Variants in CREB3L2 observed in about 807,000 individuals in gnomAD.
The protein encoded by CREB3L2 is cAMP responsive element binding protein 3 like 2, also known as cyclic AMP-responsive element-binding protein 3-like protein 2.
In CREB3L2, 23 loss-of-function variants were observed where a neutral mutation model predicts 57.2. That is an observed-to-expected ratio of 0.40 (90% CI 0.29 to 0.57). The LOEUF is 0.57. Among genes scored for constraint, CREB3L2 ranks in the 20% least tolerant of loss-of-function variants. The pLI is 0.42. For missense variants in CREB3L2, 628 were observed against 634.7 expected, an observed-to-expected ratio of 0.99 and a Z score of 0.11; for synonymous variants, 268 against 265.1, an observed-to-expected ratio of 1.01 and a Z score of -0.11.
Position 137,986,107 on chromosome 7 carries a change from T to A in CREB3L2, c.102+15497A>T, listed in dbSNP as rs188762533. On this transcript the variant is annotated intron_variant, in intron 1 of 11. Coordinates refer to ENST00000330387, the MANE Select transcript of CREB3L2 (RefSeq NM_194071.4). ...TCATTTATCTTCCTCCACCATGGCC[T>A]TGTGAAACAGTCTCAGAAAGGTGCT... 2.6e-3 allele frequency among the ~76,000 whole-genome samples: 402 copies of A among 152,342 alleles called. 2 individuals are homozygous for A. The highest frequency in any genetic ancestry group is 9.5e-3 in the African/African-American group (393 of 41,570).
chr7:137,894,199 T>C (rs1799575034), intron 8 of CREB3L2, among the ~76,000 whole-genome samples: 1 of 152,304 alleles, frequency 6.6e-6, no homozygotes, highest in South Asian at 2.1e-4. Flanking sequence ...GTTTACTGAT[T>C]GCTTGCTATA....
chr7:137,975,139 A>C (rs990504784), intron 1 of CREB3L2, among the ~76,000 whole-genome samples: 3 of 152,236 alleles, frequency 2.0e-5, no homozygotes, highest in Non-Finnish European at 4.4e-5. Flanking sequence ...TAGTTACTTT[A>C]AAAGATGAAA....
At chr7:137,960,755 C>T (rs958908563) in intron 1 of CREB3L2, among the ~76,000 whole-genome samples, 6 of 140,392 alleles carry the variant, frequency 4.3e-5, no homozygotes, top group African/African-American at 1.6e-4. Context: ...TTTAAATTAA[C>T]AAATAAACAT....
At chr7:137,972,709 A>ACAAAAC (rs1245434184) in intron 1 of CREB3L2, among the ~76,000 whole-genome samples, 1 of 39,744 alleles carries the variant, frequency 2.5e-5, no homozygotes, top group African/African-American at 1.4e-4. Context: ...AAAAAAAAAA[A>ACAAAAC]AAAATATATA....
At chr7:137,908,174 G>T in intron 5 of CREB3L2, 78 bp downstream of exon 5, 1 of 1,032,310 alleles carries the variant, frequency 9.7e-7, no homozygotes, top group Non-Finnish European at 1.3e-6. Context: ...GCCTTGAGTG[G>T]TCCTGCTCTG....
chr7:137,922,437 CGTATATATATATATAT>C (rs1286488649), intron 2 of CREB3L2, among the ~76,000 whole-genome samples: 4,949 of 98,594 alleles, frequency 0.05, 498 homozygotes, highest in African/African-American at 0.23. Context: ...TATATATATA[CGTATATATATATATAT>C]ACACACATAT....
chr7:137,908,620 C>T (rs968987592), intron 4 of CREB3L2, among the ~76,000 whole-genome samples, 184 bp from the exon 5 acceptor site: 6 of 152,042 alleles, frequency 3.9e-5, no homozygotes, highest in African/African-American at 1.5e-4. Flanking sequence ...AGGATATAGA[C>T]CCACATTTGC....
intron 8 of CREB3L2, among the ~76,000 whole-genome samples, chr7:137,896,990 C>T (rs1014913709): frequency 1.3e-5 from 2 of 152,146 alleles, no homozygotes; most frequent in South Asian, 4.1e-4. Flanking sequence ...AGAATACAAA[C>T]TTTCAGTTAT....
chr7:137,954,274 G>A (rs1359744762), intron 1 of CREB3L2, among the ~76,000 whole-genome samples: 1 of 151,870 alleles, frequency 6.6e-6, no homozygotes, highest in Non-Finnish European at 1.5e-5. Flanking sequence ...CTTGAATTGT[G>A]TATTATTTTT....
chr7:137,885,962 G>A (rs1278062006), intron 8 of CREB3L2, among the ~76,000 whole-genome samples: 1 of 152,178 alleles, frequency 6.6e-6, no homozygotes, highest in Admixed American at 6.5e-5. Context: ...CCTCATTGAT[G>A]GGATTCGTGC....
At chr7:137,895,650 A>AAAAAAAAAAAAAG (rs1295924394) in intron 8 of CREB3L2, among the ~76,000 whole-genome samples, 2,281 of 149,834 alleles carry the variant, frequency 0.015, 75 homozygotes, top group East Asian at 0.075. Context: ...TACAAAAAAA[A>AAAAAAAAAAAAAG]AAAGAAAGAA....
intron 2 of CREB3L2, among the ~76,000 whole-genome samples, chr7:137,921,018 T>C (rs1168058058): frequency 6.6e-6 from 1 of 152,242 alleles, no homozygotes; most frequent in Non-Finnish European, 1.5e-5. Flanking sequence ...TTTTACTTTA[T>C]TGGCAAAAAG....
At chr7:137,983,751 G>C (rs997103971) in intron 1 of CREB3L2, among the ~76,000 whole-genome samples, 1 of 152,120 alleles carries the variant, frequency 6.6e-6, no homozygotes, top group Non-Finnish European at 1.5e-5. Context: ...TGGTTGTTCT[G>C]TCCGCCCTAC....
intron 1 of CREB3L2, among the ~76,000 whole-genome samples, chr7:138,000,141 G>A (rs1398109409): frequency 1.3e-5 from 2 of 152,216 alleles, no homozygotes; most frequent in Non-Finnish European, 2.9e-5. Flanking sequence ...TGGCATTGCA[G>A]CTGCTGGATG....
At chr7:137,904,051 T>C in intron 6 of CREB3L2, 34 bp from the exon 7 acceptor site, 1 of 1,564,792 alleles carries the variant, frequency 6.4e-7, no homozygotes, top group Non-Finnish European at 8.8e-7. Context: ...AATGATTAAT[T>C]TCCAGCTCTG....
intron 1 of CREB3L2, among the ~76,000 whole-genome samples, chr7:137,991,486 A>G (rs998490294): frequency 6.6e-6 from 1 of 152,062 alleles, no homozygotes; most frequent in Non-Finnish European, 1.5e-5. Context: ...TTTTTTAAAG[A>G]TTCTTCAGTG....
At chr7:137,913,401 G>A (rs1800057701) in intron 3 of CREB3L2, among the ~76,000 whole-genome samples, 1 of 151,738 alleles carries the variant, frequency 6.6e-6, no homozygotes, top group Non-Finnish European at 1.5e-5. Flanking sequence ...CAGCTACTTG[G>A]GAGGCTGAGG....
chr7:137,892,434 T>C (rs1267120247), intron 8 of CREB3L2, among the ~76,000 whole-genome samples: 1 of 151,786 alleles, frequency 6.6e-6, no homozygotes, highest in Admixed American at 6.6e-5. Context: ...GCGGATCACT[T>C]GAGGTCAGGA....
In CREB3L2 at chr7:137,876,331, C is replaced by T. The variant is rs1404759175; in HGVS notation, c.*4145G>A. The T allele has an allele frequency of 1.8e-5, 4 of 223,176 alleles. No individual in the cohort carries two copies. The highest frequency in any genetic ancestry group is 3.5e-5 in the Non-Finnish European group (4 of 113,470). The allele number at this position is 223,176 out of a possible 1,614,324, so 13.8% of individuals were successfully genotyped here. A position where few individuals can be genotyped will look rare whatever the true frequency, so the allele number is the denominator to read the frequency against. ...TGAGCATGTAAGGGAGGAATGTGCA[C>T]GTGTGTGTGTGTGTGTGTGTGTGTG... is the stretch of plus-strand genomic sequence containing the variant. On this transcript the variant is annotated 3_prime_UTR_variant, in exon 12 of 12. Transcript: ENST00000330387.
Sources: gnomAD v4.1 joint callset for allele counts (sites outside exome capture counted in the v4.1 genomes callset) on GRCh38, gnomAD v4.1.1 for gene constraint, MANE v1.5 for transcripts, NCBI Gene and HGNC (gene_info 2026-07-23, HGNC 2026-07-21) for gene names.